Variants in SCN1A observed in about 807,000 individuals in gnomAD.
The protein encoded by SCN1A is sodium channel protein type 1 subunit alpha.
A neutral mutation model predicts 193.7 loss-of-function variants in SCN1A; 13 were observed. The observed-to-expected ratio is 0.07, with a 90% confidence interval of 0.04 to 0.11. SCN1A has a LOEUF of 0.11. Among genes scored for constraint, SCN1A ranks in the 10% least tolerant of loss-of-function variants. The probability of loss-of-function intolerance (pLI) is 1.00; values close to 1 mark genes in which losing one functional copy is unlikely to be tolerated. For missense variants in SCN1A, 1,432 were observed against 2,451.1 expected (o/e 0.58, Z 8.78); for synonymous variants, 781 against 843.6 (o/e 0.93, Z 1.29).
upstream of SCN1A, among the ~76,000 whole-genome samples, chr2:166,129,894 TGGAG>T (rs1691583839): frequency 6.6e-6 from 1 of 152,116 alleles, no homozygotes; most frequent in Non-Finnish European, 1.5e-5. Flanking sequence ...TACAGAGGAC[TGGAG>T]CAAGAGAGGG....
At chr2:166,019,024 C>T (rs1486199786) in intron 19 of SCN1A, among the ~76,000 whole-genome samples, 4 of 152,104 alleles carry the variant, frequency 2.6e-5, no homozygotes, top group Admixed American at 2.6e-4. Flanking sequence ...ATGAGGACTA[C>T]TTTATAAACA....
intron 22 of SCN1A, among the ~76,000 whole-genome samples, chr2:166,011,414 T>C (rs747562193): frequency 2.6e-5 from 4 of 151,040 alleles, no homozygotes; most frequent in Non-Finnish European, 5.9e-5. Flanking sequence ...TTTCAGTAAA[T>C]GCAGTATTAA....
chr2:166,067,855 CCATACCAAGGAGACCATCA>C (rs1236717913), intron 4 of SCN1A, among the ~76,000 whole-genome samples: 1 of 152,008 alleles, frequency 6.6e-6, no homozygotes, highest in Non-Finnish European at 1.5e-5. Flanking sequence ...AGAGACCATC[CCATACCAAGGAGACCATCA>C]CATACCACTA....
At chr2:166,121,146 A>G (rs921226979) in intron 2 of SCN1A, among the ~76,000 whole-genome samples, 1 of 151,908 alleles carries the variant, frequency 6.6e-6, no homozygotes, top group African/African-American at 2.4e-5. Flanking sequence ...AAAAGAAAGA[A>G]AGACAAAGAG....
chr2:166,118,867 T>C (rs1346102851), intron 2 of SCN1A, among the ~76,000 whole-genome samples: 1 of 152,236 alleles, frequency 6.6e-6, no homozygotes, highest in African/African-American at 2.4e-5. Context: ...CTTAAAATTA[T>C]GAATATTTGC....
intron 19 of SCN1A, among the ~76,000 whole-genome samples, chr2:166,031,389 C>T (rs1695536836): frequency 6.6e-6 from 1 of 152,110 alleles, no homozygotes; most frequent in Non-Finnish European, 1.5e-5. Flanking sequence ...GAATTCCAAA[C>T]TACTAATTGT....
At chr2:166,000,038 T>G in intron 24 of SCN1A, 1 of 497,054 alleles carries the variant, frequency 2.0e-6, no homozygotes, top group Non-Finnish European at 3.6e-6. Flanking sequence ...TTAGAGTTCA[T>G]GGTGTCATGA....
At chr2:166,130,847 A>T (rs1018463710), upstream of SCN1A, among the ~76,000 whole-genome samples, 3 of 152,206 alleles carry the variant, frequency 2.0e-5, no homozygotes, top group African/African-American at 7.2e-5. Context: ...CAGACTGAGC[A>T]TAAAGGCAAA....
At chr2:166,112,510 T>C (rs977475517) in intron 2 of SCN1A, among the ~76,000 whole-genome samples, 2 of 152,168 alleles carry the variant, frequency 1.3e-5, no homozygotes, top group African/African-American at 4.8e-5. Context: ...TATTGGCTTT[T>C]TTGTGGTGGG....
intron 1 of SCN1A, among the ~76,000 whole-genome samples, chr2:166,144,607 G>T (rs1464978278): frequency 6.6e-6 from 1 of 152,108 alleles, no homozygotes; most frequent in African/African-American, 2.4e-5. Flanking sequence ...ACAAAGCACT[G>T]GTAATCTCTC....
At chr2:166,066,085 G>A (rs952200573) in intron 4 of SCN1A, among the ~76,000 whole-genome samples, 6 of 152,104 alleles carry the variant, frequency 3.9e-5, no homozygotes, top group African/African-American at 1.4e-4. Flanking sequence ...GTGGAGGGTT[G>A]GGGCCAGTGG....
At chr2:166,146,955 T>C (rs1692346983) in intron 1 of SCN1A, among the ~76,000 whole-genome samples, 1 of 152,212 alleles carries the variant, frequency 6.6e-6, no homozygotes, top group Non-Finnish European at 1.5e-5. Context: ...TGTATTTAAC[T>C]ATATACAGTA....
At chr2:166,064,695 A>G (rs549825085) in intron 4 of SCN1A, among the ~76,000 whole-genome samples, 21 of 152,220 alleles carry the variant, frequency 1.4e-4, no homozygotes, top group African/African-American at 4.8e-4. Context: ...CTTAACATTT[A>G]TTTCAATCTA....
At chr2:166,064,644 G>C (rs994169343) in intron 4 of SCN1A, among the ~76,000 whole-genome samples, 33 of 151,926 alleles carry the variant, frequency 2.2e-4, no homozygotes, top group African/African-American at 6.5e-4. Flanking sequence ...AACAAGCCAT[G>C]GTTTTCCAGT....
At chr2:166,015,559 C>G in intron 20 of SCN1A, 48 bp downstream of exon 20, 1 of 1,609,208 alleles carries the variant, frequency 6.2e-7, no homozygotes, top group Non-Finnish European at 8.5e-7. Flanking sequence ...AACAGCTAAA[C>G]AAGCTGCACT....
At chr2:166,099,935 G>A (rs1358490029) in intron 2 of SCN1A, among the ~76,000 whole-genome samples, 4 of 116,948 alleles carry the variant, frequency 3.4e-5, no homozygotes, top group Non-Finnish European at 1.8e-5. Context: ...TGGCCATACT[G>A]CCCAAGGTAA....
At chr2:166,143,979 A>C (rs1558917872) in intron 1 of SCN1A, among the ~76,000 whole-genome samples, 1 of 152,230 alleles carries the variant, frequency 6.6e-6, no homozygotes, top group Non-Finnish European at 1.5e-5. Context: ...TCACATTCAA[A>C]GTCTGAGAAC....
intron 2 of SCN1A, among the ~76,000 whole-genome samples, chr2:166,123,052 G>T (rs1228955892): frequency 6.6e-6 from 1 of 151,482 alleles, no homozygotes; most frequent in Non-Finnish European, 1.5e-5. Context: ...AGTGTCCATA[G>T]GTAACTGAGA....
chr2:165,997,409 T>C (rs1185285876), intron 26 of SCN1A, among the ~76,000 whole-genome samples: 2 of 151,384 alleles, frequency 1.3e-5, no homozygotes, highest in Non-Finnish European at 3.0e-5. Flanking sequence ...TGGCAGCAGT[T>C]ACTTCCAAGT....
Sources: gnomAD v4.1 joint callset for allele counts (sites outside exome capture counted in the v4.1 genomes callset) on GRCh38, gnomAD v4.1.1 for gene constraint, MANE v1.5 for transcripts, NCBI Gene and HGNC (gene_info 2026-07-23, HGNC 2026-07-21) for gene names.